The following SYN3 variants were observed in gnomAD, a reference collection of about 807,000 sequenced individuals.
SYN3 encodes the protein synapsin-3.
SYN3 carries 35 observed loss-of-function variants against 65.8 expected under a neutral mutation model. The ratio of observed to expected loss-of-function variants is 0.53; its 90% CI spans 0.41 to 0.70. The LOEUF is 0.70. SYN3 is among the 30% of genes least tolerant of loss of function. The probability of loss-of-function intolerance (pLI) is 0.00; values close to 1 mark genes in which losing one functional copy is unlikely to be tolerated. For missense variants in SYN3, 680 were observed against 749.0 expected (o/e 0.91, Z 1.08); for synonymous variants, 270 against 292.9 (o/e 0.92, Z 0.80).
intron 6 of SYN3, among the ~76,000 whole-genome samples, chr22:32,639,154 C>T (rs559009475): frequency 2.6e-5 from 4 of 152,254 alleles, no homozygotes; most frequent in East Asian, 3.9e-4. Flanking sequence ...GGGGTTTCAC[C>T]GTGTTAGCCA....
intron 6 of SYN3, among the ~76,000 whole-genome samples, chr22:32,657,700 C>T (rs1295559496): frequency 6.6e-6 from 1 of 152,164 alleles, no homozygotes; most frequent in East Asian, 1.9e-4. Context: ...AAGGACACAG[C>T]AGTCATGAAC....
intron 6 of SYN3, among the ~76,000 whole-genome samples, chr22:32,686,486 C>T (rs2060590260): frequency 2.6e-5 from 4 of 151,756 alleles, no homozygotes; most frequent in Non-Finnish European, 1.5e-5. Context: ...TCCATGCCTC[C>T]TGAATCCAGC....
intron 6 of SYN3, among the ~76,000 whole-genome samples, chr22:32,604,533 G>A (rs1228755406): frequency 1.9e-5 from 2 of 107,854 alleles, no homozygotes; most frequent in Non-Finnish European, 3.8e-5. Flanking sequence ...TCATGTCTCC[G>A]CTGAGATACC....
At chr22:32,855,670 G>A (rs536797960) in intron 6 of SYN3, among the ~76,000 whole-genome samples, 11 of 152,242 alleles carry the variant, frequency 7.2e-5, no homozygotes, top group African/African-American at 2.2e-4. Context: ...ATTTGGGGCC[G>A]GATAATTCTT....
chr22:33,011,241 GTTCTC>G (rs1215363794), intron 1 of SYN3, among the ~76,000 whole-genome samples: 7 of 152,130 alleles, frequency 4.6e-5, no homozygotes, highest in Admixed American at 1.3e-4. Flanking sequence ...GATTCAGGCA[GTTCTC>G]TTCTATTATT....
At chr22:32,586,608 C>A (rs934942222) in intron 7 of SYN3, among the ~76,000 whole-genome samples, 1 of 152,118 alleles carries the variant, frequency 6.6e-6, no homozygotes, top group Non-Finnish European at 1.5e-5. Context: ...GCAAGAAGGA[C>A]ACTTGTTTAC....
rs1049003972 is a variant in SYN3, at chr22:32,632,392, T to A, written c.712-35656A>T. On this transcript the variant is annotated intron_variant, in intron 6 of 13. Transcript: ENST00000358763. ...TTACTTGTATGGGATCTTGGGCAAA[T>A]TACTTCCTCTTCAGGGTCTCAGTGG... Among the ~76,000 whole-genome samples the A allele has an allele frequency of 2.0e-5, 3 of 151,422 alleles. No homozygotes were observed. In the South Asian group the frequency reaches 6.3e-4, roughly 32 times the overall value.
intron 7 of SYN3, 47 bp downstream of exon 7, chr22:32,596,627 G>C: frequency 6.3e-7 from 1 of 1,596,492 alleles, no homozygotes; most frequent in Non-Finnish European, 8.6e-7. Context: ...GTAGTCTGGG[G>C]AATCTCTGGG....
chr22:32,615,608 A>C (rs1297427788), intron 6 of SYN3, among the ~76,000 whole-genome samples: 2 of 152,072 alleles, frequency 1.3e-5, no homozygotes, highest in East Asian at 3.9e-4. Context: ...CACTGCTCTC[A>C]GTTTAGGGAG....
intron 6 of SYN3, among the ~76,000 whole-genome samples, chr22:32,718,459 G>A (rs1000069254): frequency 3.3e-5 from 5 of 149,416 alleles, no homozygotes; most frequent in African/African-American, 1.2e-4. Flanking sequence ...AAGCAGCCAA[G>A]CATGCTATGA....
chr22:33,010,988 A>G (rs1005358230), intron 1 of SYN3, among the ~76,000 whole-genome samples: 8 of 152,140 alleles, frequency 5.3e-5, no homozygotes, highest in African/African-American at 1.9e-4. Flanking sequence ...TTGTTTATAG[A>G]TTCCTTGATA....
At chr22:32,682,556 G>A (rs1319442632) in intron 6 of SYN3, among the ~76,000 whole-genome samples, 1 of 152,094 alleles carries the variant, frequency 6.6e-6, no homozygotes, top group African/African-American at 2.4e-5. Context: ...TAGCATTTAC[G>A]GAGCACCCAG....
intron 4 of SYN3, among the ~76,000 whole-genome samples, chr22:32,871,194 T>C (rs2048841252): frequency 2.0e-5 from 3 of 152,192 alleles, no homozygotes; most frequent in Admixed American, 1.3e-4. Flanking sequence ...TGGGAATTCA[T>C]AAGAGGGACA....
intron 2 of SYN3, among the ~76,000 whole-genome samples, chr22:32,994,637 A>T (rs1201742516): frequency 6.6e-6 from 1 of 152,086 alleles, no homozygotes; most frequent in Non-Finnish European, 1.5e-5. Context: ...CTCCACTCTA[A>T]GCCTCTCAAC....
chr22:33,016,052 G>A (rs935121749), intron 1 of SYN3, among the ~76,000 whole-genome samples: 14 of 151,704 alleles, frequency 9.2e-5, no homozygotes, highest in African/African-American at 3.4e-4. Flanking sequence ...CACCATTTTG[G>A]CCAGACTGGT....
At chr22:32,575,235 A>C (rs1180720624) in intron 7 of SYN3, among the ~76,000 whole-genome samples, 1 of 152,268 alleles carries the variant, frequency 6.6e-6, no homozygotes, top group African/African-American at 2.4e-5. Flanking sequence ...AAAAGAGCAA[A>C]GCCAGGTCAC....
At chr22:32,547,055 T>C (rs1044086064) in intron 7 of SYN3, among the ~76,000 whole-genome samples, 8 of 152,188 alleles carry the variant, frequency 5.3e-5, no homozygotes, top group Non-Finnish European at 8.8e-5. Context: ...CAGGGCTCAC[T>C]GCAACCTCTG....
At chr22:32,807,012 A>G (rs1482836293) in intron 6 of SYN3, among the ~76,000 whole-genome samples, 1 of 151,768 alleles carries the variant, frequency 6.6e-6, no homozygotes, top group East Asian at 1.9e-4. Flanking sequence ...CTTGTTTCCC[A>G]TTCAACAATG....
chr22:32,729,165 G>A (rs1007686279), intron 6 of SYN3, among the ~76,000 whole-genome samples: 6 of 152,186 alleles, frequency 3.9e-5, no homozygotes, highest in Admixed American at 3.3e-4. Context: ...ACAACTAGAC[G>A]ATCAGCTATA....
Sources: gnomAD v4.1 joint callset for allele counts (sites outside exome capture counted in the v4.1 genomes callset) on GRCh38, gnomAD v4.1.1 for gene constraint, MANE v1.5 for transcripts, NCBI Gene and HGNC (gene_info 2026-07-23, HGNC 2026-07-21) for gene names.